STAU1: variants seen among roughly 807,000 people sequenced by gnomAD.
STAU1 encodes double-stranded RNA-binding protein Staufen homolog 1.
In STAU1, 13 loss-of-function variants were observed where a neutral mutation model predicts 62.9. The observed-to-expected ratio is 0.21, with a 90% CI of 0.13 to 0.33. The LOEUF is 0.33. STAU1 is among the 10% of genes least tolerant of loss of function. The probability of loss-of-function intolerance (pLI) is 1.00; values close to 1 mark genes in which losing one functional copy is unlikely to be tolerated. For synonymous variants in STAU1, 269 were observed against 265.1 expected (o/e 1.01, Z -0.14); for missense variants, 571 against 712.1 (o/e 0.80, Z 2.25).
At chr20:49,167,000 T>A (rs1775547239) in intron 2 of STAU1, among the ~76,000 whole-genome samples, 1 of 152,170 alleles carries the variant, frequency 6.6e-6, no homozygotes, top group Admixed American at 6.5e-5. Flanking sequence ...AAAGTGGAGA[T>A]GAAGAAGACA....
intron 4 of STAU1, 133 bp downstream of exon 4, chr20:49,153,800 A>T: frequency 1.1e-6 from 1 of 893,754 alleles, no homozygotes. Context: ...AGAGTAATTA[A>T]GACCAACTTC....
At chr20:49,177,872 T>C (rs1007384683) in intron 1 of STAU1, among the ~76,000 whole-genome samples, 3 of 152,044 alleles carry the variant, frequency 2.0e-5, no homozygotes, top group Non-Finnish European at 2.9e-5. Flanking sequence ...CAGTGATAGC[T>C]GAGATTCATA....
chr20:49,174,764 C>T (rs921153183), intron 1 of STAU1, among the ~76,000 whole-genome samples: 8 of 152,052 alleles, frequency 5.3e-5, no homozygotes, highest in South Asian at 2.1e-4. Context: ...GGTGAAACTC[C>T]GTCTCTACTA....
intron 12 of STAU1, among the ~76,000 whole-genome samples, chr20:49,116,083 A>T (rs562451714): frequency 2.0e-5 from 3 of 152,246 alleles, no homozygotes; most frequent in African/African-American, 7.2e-5. Flanking sequence ...TGAAAATGTT[A>T]TATTTTTCCT....
chr20:49,180,353 T>C (rs1402707611), intron 1 of STAU1, among the ~76,000 whole-genome samples: 1 of 151,200 alleles, frequency 6.6e-6, no homozygotes, highest in Non-Finnish European at 1.5e-5. Flanking sequence ...ATACAGAGTC[T>C]TGCTCTGTTG....
intron 5 of STAU1, among the ~76,000 whole-genome samples, chr20:49,149,989 C>T (rs1183890927): frequency 2.0e-5 from 3 of 152,162 alleles, no homozygotes; most frequent in African/African-American, 4.8e-5. Flanking sequence ...AAGTCAAATG[C>T]TACCCAGAGA....
chr20:49,128,642 G>A (rs1312995443), intron 6 of STAU1, among the ~76,000 whole-genome samples: 1 of 151,892 alleles, frequency 6.6e-6, no homozygotes, highest in South Asian at 2.1e-4. Flanking sequence ...ATTTAATAAA[G>A]GACTGTCTCA....
chr20:49,195,713 G>A, the STAU1 span, among the ~76,000 whole-genome samples: 1 of 150,422 alleles, frequency 6.6e-6, no homozygotes, highest in Middle Eastern at 3.2e-3. Context: ...ATACCAGCCT[G>A]ACCAACATGG....
the STAU1 span, among the ~76,000 whole-genome samples, chr20:49,203,224 AGACCAACCTG>A: frequency 2.0e-5 from 3 of 152,172 alleles, no homozygotes; most frequent in African/African-American, 7.2e-5. Context: ...CAGCAGTTTG[AGACCAACCTG>A]GCCAACATGA....
chr20:49,197,462 C>T, the STAU1 span, among the ~76,000 whole-genome samples: 26 of 149,462 alleles, frequency 1.7e-4, no homozygotes, highest in African/African-American at 4.7e-4. Flanking sequence ...AGTGCAGTGG[C>T]GCGATCTCAG....
intron 2 of STAU1, among the ~76,000 whole-genome samples, chr20:49,168,975 C>G (rs1476386332): frequency 6.8e-6 from 1 of 147,664 alleles, no homozygotes; most frequent in Non-Finnish European, 1.5e-5. Flanking sequence ...TTTTTTGAGA[C>G]AGTCTCGCTC....
the STAU1 span, among the ~76,000 whole-genome samples, chr20:49,204,619 TATATGTGTATATATATATATATA>T: frequency 1.3e-3 from 63 of 47,930 alleles, no homozygotes; most frequent in East Asian, 2.7e-3. Context: ...TATATATATA[TATATGTGTATATATATATATATA>T]TATATTTTTT....
intron 7 of STAU1, among the ~76,000 whole-genome samples, chr20:49,123,946 A>C (rs1412375892): frequency 6.6e-6 from 1 of 152,194 alleles, no homozygotes; most frequent in East Asian, 1.9e-4. Flanking sequence ...TCAAAAATCC[A>C]AAAGAAAAGG....
chr20:49,214,624 CT>C, the STAU1 span, among the ~76,000 whole-genome samples: 1 of 152,046 alleles, frequency 6.6e-6, no homozygotes, highest in African/African-American at 2.4e-5. Context: ...ACCCCTCTTA[CT>C]GTATAGAAGG....
intron 6 of STAU1, among the ~76,000 whole-genome samples, chr20:49,132,840 C>G (rs1362730443): frequency 2.0e-5 from 3 of 152,176 alleles, no homozygotes; most frequent in African/African-American, 7.2e-5. Flanking sequence ...TATTAAAACA[C>G]CTAACGAAGC....
intron 6 of STAU1, among the ~76,000 whole-genome samples, chr20:49,134,076 A>G (rs1390622940): frequency 2.6e-5 from 4 of 152,190 alleles, no homozygotes; most frequent in African/African-American, 7.2e-5. Flanking sequence ...CACGTAAATC[A>G]AAAGAATCTG....
intron 6 of STAU1, among the ~76,000 whole-genome samples, chr20:49,125,198 CAAAAAAAAAAAAA>C (rs1171534142): frequency 6.2e-4 from 21 of 33,736 alleles, no homozygotes; most frequent in African/African-American, 1.6e-3. Context: ...CTCATTTTTG[CAAAAAAAAAAAAA>C]AAAAAAAAAA....
At chr20:49,124,311 C>A (rs1018610687) in intron 7 of STAU1, 64 bp downstream of exon 7, 1 of 1,547,156 alleles carries the variant, frequency 6.5e-7, no homozygotes, top group African/African-American at 1.4e-5. Flanking sequence ...AGCGACCAGC[C>A]TTCTAAACCC....
rs546972951 is a variant in STAU1, at chr20:49,176,074, G to A, written c.-159-1805C>T. On this transcript the variant is annotated intron_variant, in intron 1 of 13. Transcript: ENST00000371856. The stretch of plus-strand genomic sequence containing the variant: ...CTCCCAAAGTGCTGGGATTACAGGC[G>A]TGAGCCACCGCGCCCGGCAATAATG... Among the ~76,000 whole-genome samples the A allele has an allele frequency of 1.8e-4, 28 of 152,276 alleles. No homozygotes were observed. In the South Asian group the frequency reaches 4.1e-3, roughly 23 times the overall value.
Sources: allele counts gnomAD v4.1 joint callset (sites outside exome capture counted in the v4.1 genomes callset), GRCh38; gene constraint gnomAD v4.1.1; transcripts MANE v1.5; gene names NCBI Gene and HGNC (gene_info 2026-07-23, HGNC 2026-07-21).